Variants in STX8 observed in about 807,000 individuals in gnomAD.
STX8 encodes the protein syntaxin-8.
STX8 carries 23 observed loss-of-function variants against 37.5 expected under a neutral mutation model. That is an observed-to-expected ratio of 0.61 (90% confidence interval 0.44 to 0.87). STX8 has a LOEUF of 0.87. STX8 is among the 40% of genes least tolerant of loss of function. The pLI is 0.00. For missense variants in STX8, 313 were observed against 284.7 expected (o/e 1.10, Z -0.71); for synonymous variants, 115 against 99.1 (o/e 1.16, Z -0.95).
chr17:9,553,105 A>C (rs1179473889), intron 3 of STX8: 1 of 152,138 alleles, frequency 6.6e-6, no homozygotes, highest in African/African-American at 2.4e-5. Flanking sequence ...TGTGAAGCCA[A>C]CTCTAAGAAG....
chr17:9,348,326 G>A (rs1910597377), intron 7 of STX8, among the ~76,000 whole-genome samples: 1 of 150,892 alleles, frequency 6.6e-6, no homozygotes, highest in South Asian at 2.1e-4. Context: ...GCTGAGGCAG[G>A]AGAATGGCAT....
chr17:9,428,874 A>G (rs1385963785), intron 6 of STX8, among the ~76,000 whole-genome samples: 1 of 152,170 alleles, frequency 6.6e-6, no homozygotes, highest in African/African-American at 2.4e-5. Flanking sequence ...TGTGGCTACT[A>G]TAGTGGACAA....
chr17:9,443,762 T>C (rs956842681), intron 6 of STX8, among the ~76,000 whole-genome samples: 11 of 152,222 alleles, frequency 7.2e-5, no homozygotes, highest in African/African-American at 2.7e-4. Context: ...GAACCCCACC[T>C]ACCATAGGTG....
chr17:9,312,526 A>G (rs1038660007), intron 7 of STX8, among the ~76,000 whole-genome samples: 2 of 152,196 alleles, frequency 1.3e-5, no homozygotes, highest in African/African-American at 2.4e-5. Context: ...AAGGGATATC[A>G]TAAAAGATAG....
At chr17:9,302,784 G>A (rs565319609) in intron 7 of STX8, among the ~76,000 whole-genome samples, 219 of 152,236 alleles carry the variant, frequency 1.4e-3, no homozygotes, top group African/African-American at 5.1e-3. Context: ...AGTCAGATCA[G>A]TTGTTTCCAG....
chr17:9,345,802 C>A (rs1394179925), intron 7 of STX8, among the ~76,000 whole-genome samples: 1 of 128,382 alleles, frequency 7.8e-6, no homozygotes, highest in South Asian at 2.6e-4. Flanking sequence ...ATGTTTCGAA[C>A]TTTGGATATT....
intron 6 of STX8, among the ~76,000 whole-genome samples, chr17:9,428,835 T>C (rs1025012356): frequency 6.6e-6 from 1 of 152,186 alleles, no homozygotes; most frequent in Non-Finnish European, 1.5e-5. Context: ...ACTAGCCACA[T>C]TATAAGAGCT....
At chr17:9,403,653 ATT>A (rs1334865934) in intron 6 of STX8, among the ~76,000 whole-genome samples, 2 of 145,884 alleles carry the variant, frequency 1.4e-5, no homozygotes, top group Non-Finnish European at 3.0e-5. Context: ...TTTTTTTTTT[ATT>A]TTTTCCCCTG....
At chr17:9,499,467 C>T (rs996610822) in intron 5 of STX8, among the ~76,000 whole-genome samples, 4 of 152,168 alleles carry the variant, frequency 2.6e-5, no homozygotes, top group Non-Finnish European at 5.9e-5. Context: ...AGCACAATCT[C>T]GGCTCACTGC....
At chr17:9,505,857 G>T (rs1904802144) in intron 4 of STX8, among the ~76,000 whole-genome samples, 1 of 150,558 alleles carries the variant, frequency 6.6e-6, no homozygotes, top group African/African-American at 2.4e-5. Context: ...CAGGAAAATC[G>T]CTTGAACCTG....
At chr17:9,290,750 T>C (rs1032791134) in intron 7 of STX8, among the ~76,000 whole-genome samples, 1 of 152,180 alleles carries the variant, frequency 6.6e-6, no homozygotes, top group Non-Finnish European at 1.5e-5. Flanking sequence ...ATCCGATATA[T>C]ACCTGTAGAC....
At chr17:9,518,634 C>T (rs756910269) in intron 4 of STX8, among the ~76,000 whole-genome samples, 3 of 151,958 alleles carry the variant, frequency 2.0e-5, no homozygotes, top group African/African-American at 7.2e-5. Context: ...TTTGGGAGGC[C>T]GAGGCGGGTA....
chr17:9,558,701 T>C lies in STX8; in HGVS notation c.118-1173A>G, dbSNP rs548650528. Among the ~76,000 whole-genome samples the C allele has an allele frequency of 2.1e-3, 327 of 152,234 alleles. 1 individual carries two copies. Among genetic ancestry groups the C allele is most frequent in the African/African-American group, 7.5e-3 (311 of 41,548 alleles). The stretch of plus-strand genomic sequence containing the variant: ...AGCTGGGCGCGGTGGCGGGCGCCTG[T>C]AGTCCCAGCTACGCGGGAGGCTGAG... On this transcript the variant is annotated intron_variant, in intron 2 of 7. Coordinates refer to ENST00000306357, the MANE Select transcript of STX8 (RefSeq NM_004853.3).
At chr17:9,486,259 T>C (rs1381051962) in intron 6 of STX8, among the ~76,000 whole-genome samples, 6 of 152,028 alleles carry the variant, frequency 3.9e-5, no homozygotes, top group African/African-American at 1.4e-4. Flanking sequence ...ATTCCAGGGA[T>C]AGGATAGAGA....
At chr17:9,359,501 A>ATTTTT (rs1567796890) in intron 7 of STX8, among the ~76,000 whole-genome samples, 1 of 111,644 alleles carries the variant, frequency 9.0e-6, no homozygotes, top group Non-Finnish European at 2.0e-5. Flanking sequence ...ATGCTGAGAC[A>ATTTTT]TATTTTTTTT....
chr17:9,399,736 C>T (rs1021984092), intron 6 of STX8, among the ~76,000 whole-genome samples: 4 of 151,332 alleles, frequency 2.6e-5, no homozygotes, highest in African/African-American at 7.3e-5. Context: ...TGTGGCGGTG[C>T]GTGCCTGTAA....
chr17:9,509,150 G>A (rs1181494780), intron 4 of STX8, among the ~76,000 whole-genome samples: 1 of 152,192 alleles, frequency 6.6e-6, no homozygotes, highest in Non-Finnish European at 1.5e-5. Flanking sequence ...TCAGGAGGCA[G>A]AGGCAGGAGA....
intron 7 of STX8, among the ~76,000 whole-genome samples, chr17:9,337,370 G>C (rs879686): frequency 0.15 from 22,594 of 151,830 alleles, 1,890 homozygotes; most frequent in African/African-American, 0.2. Context: ...ACTCTCCTCT[G>C]CCATCTCTTA....
chr17:9,559,497 G>A (rs1041870752), intron 2 of STX8, among the ~76,000 whole-genome samples: 10 of 151,340 alleles, frequency 6.6e-5, no homozygotes, highest in Middle Eastern at 3.2e-3. Flanking sequence ...GATTAGTACA[G>A]TACAGGGGAA....
Sources: gnomAD v4.1 joint callset for allele counts (sites outside exome capture counted in the v4.1 genomes callset) on GRCh38, gnomAD v4.1.1 for gene constraint, MANE v1.5 for transcripts, NCBI Gene and HGNC (gene_info 2026-07-23, HGNC 2026-07-21) for gene names.